Variants in SETX observed in about 807,000 individuals in gnomAD.
SETX encodes senataxin.
Under a neutral mutation model 227.2 loss-of-function variants are expected in SETX, and 90 were observed. The ratio of observed to expected loss-of-function variants is 0.40; its 90% CI spans 0.33 to 0.47. The LOEUF is 0.47. Ranked by LOEUF, SETX falls within the 20% of genes least tolerant of loss-of-function variation. The pLI is 0.91. For synonymous variants in SETX, 1,210 were observed against 1,113.2 expected, an observed-to-expected ratio of 1.09 and a Z score of -1.73; for missense variants, 3,052 against 3,181.5, an observed-to-expected ratio of 0.96 and a Z score of 0.98.
At chr9:132,308,286 G>C (rs902097095) in intron 11 of SETX, among the ~76,000 whole-genome samples, 5 of 152,164 alleles carry the variant, frequency 3.3e-5, no homozygotes, top group African/African-American at 1.2e-4. Flanking sequence ...AAATTTACCT[G>C]AATTGGATCA....
At chr9:132,290,512 T>C (rs1274230797) in intron 15 of SETX, among the ~76,000 whole-genome samples, 4 of 139,856 alleles carry the variant, frequency 2.9e-5, no homozygotes, top group Non-Finnish European at 6.0e-5. Flanking sequence ...AAGGTGGAGG[T>C]TGCGGTGAGC....
intron 11 of SETX, among the ~76,000 whole-genome samples, chr9:132,306,240 G>C (rs1245349180): frequency 6.6e-6 from 1 of 151,988 alleles, no homozygotes; most frequent in Admixed American, 6.6e-5. Flanking sequence ...ACAAATTTTG[G>C]CTGTTTTTGT....
At chr9:132,352,579 C>T (rs1169261650) in intron 2 of SETX, among the ~76,000 whole-genome samples, 4 of 152,116 alleles carry the variant, frequency 2.6e-5, no homozygotes, top group Admixed American at 1.3e-4. Flanking sequence ...GGTGAAACCC[C>T]GTATCTACTA....
At chr9:132,344,635 G>A (rs1195705942) in intron 4 of SETX, among the ~76,000 whole-genome samples, 5 of 152,270 alleles carry the variant, frequency 3.3e-5, no homozygotes, top group African/African-American at 1.2e-4. Context: ...AGCACTTTAG[G>A]AGGCCGAGGT....
At chr9:132,280,067 A>G (rs1843411289) in intron 20 of SETX, among the ~76,000 whole-genome samples, 1 of 152,222 alleles carries the variant, frequency 6.6e-6, no homozygotes, top group East Asian at 1.9e-4. Context: ...CCAGCCCCTA[A>G]ACAGTGCCTG....
At chr9:132,272,372 C>A (rs927214146) in intron 23 of SETX, among the ~76,000 whole-genome samples, 2 of 151,698 alleles carry the variant, frequency 1.3e-5, no homozygotes, top group African/African-American at 4.9e-5. Flanking sequence ...TGGTCTCAAA[C>A]CCCTGGCCCC....
chr9:132,315,409 T>A (rs1845908660), intron 10 of SETX, among the ~76,000 whole-genome samples: 1 of 152,190 alleles, frequency 6.6e-6, no homozygotes, highest in Non-Finnish European at 1.5e-5. Flanking sequence ...GCAAACTCAC[T>A]GATTTCTGTC....
chr9:132,277,226 T>A, intron 21 of SETX, 74 bp from the exon 22 acceptor site: 1 of 1,392,412 alleles, frequency 7.2e-7, no homozygotes, highest in African/African-American at 1.4e-5. Context: ...ATTACTACAA[T>A]TTTTTCTGTG....
rs58113625 is a variant in SETX, at chr9:132,303,812, C to T, written c.5375-3009G>A. ...CCACAATGACATACTACTACACACC[C>T]GTCTGAATCACCAAAATTAAAAACA... On this transcript the variant is annotated intron_variant, in intron 11 of 25. Transcript: ENST00000224140. Among the ~76,000 whole-genome samples, 235 of 152,196 alleles carry T rather than the reference C, an allele frequency of 1.5e-3. 1 individual carries two copies. The highest frequency in any genetic ancestry group is 5.4e-3 in the African/African-American group (223 of 41,536).
Position 132,296,039 on chromosome 9 carries a change from C to T in SETX, c.5950-11G>A. The T allele has an allele frequency of 6.2e-7, 1 of 1,614,116 alleles. No homozygotes were observed. The highest frequency in any genetic ancestry group is 2.2e-5 in the East Asian group (1 of 44,882). On this transcript the variant is annotated splice_polypyrimidine_tract_variant and intron_variant, in intron 14 of 25. Coordinates refer to ENST00000224140, the MANE Select transcript of SETX (RefSeq NM_015046.7). Reference sequence around the variant, plus strand: ...CCCCTTCCTCTGGTTCTACAATTTGCCACATATACATACCAAACAAACACA... The same window carrying T: ...CCCCTTCCTCTGGTTCTACAATTTGTCACATATACATACCAAACAAACACA...
chr9:132,341,445 CCTACCA>C (rs1847957372), intron 5 of SETX, among the ~76,000 whole-genome samples: 1 of 152,212 alleles, frequency 6.6e-6, no homozygotes, highest in Middle Eastern at 3.4e-3. Flanking sequence ...CTGTGTCCCT[CCTACCA>C]CTACCCCTCC....
chr9:132,275,874 T>C lies in SETX; in HGVS notation c.6936-454A>G, dbSNP rs544956546. Among the ~76,000 whole-genome samples the C allele has an allele frequency of 2.6e-5, 4 of 152,300 alleles. No individual in the cohort carries two copies. In the East Asian group the frequency reaches 7.7e-4, roughly 29 times the overall value. On this transcript the variant is annotated intron_variant, in intron 22 of 25. Coordinates refer to ENST00000224140, the MANE Select transcript of SETX (RefSeq NM_015046.7). ...ATCTTCCTTGTCCCTCACCACTGGC[T>C]GCATACAACACACACCACACAACCG...
At chr9:132,320,462 C>T (rs906879283) in intron 10 of SETX, among the ~76,000 whole-genome samples, 5 of 151,926 alleles carry the variant, frequency 3.3e-5, no homozygotes, top group African/African-American at 9.7e-5. Flanking sequence ...CGCCTGATGG[C>T]GGGCGCCTGT....
intron 12 of SETX, among the ~76,000 whole-genome samples, chr9:132,299,071 G>A (rs1432833907): frequency 2.0e-5 from 3 of 152,232 alleles, no homozygotes; most frequent in African/African-American, 7.2e-5. Context: ...GGAGGCACTA[G>A]TAGACGTGGG....
In SETX at chr9:132,326,321, T is replaced by G. The variant is rs764145024; in HGVS notation, c.5274+3A>C. On this transcript the variant is annotated splice_donor_region_variant and intron_variant, in intron 10 of 25. Transcript: ENST00000224140. ...GAGGCATACAAATGAAACACATACT[T>G]ACTGTTTCAAAAGTATTCAATACCA... The G allele has an allele frequency of 1.3e-6, 2 of 1,578,576 alleles. No individual in the cohort carries two copies.
intron 6 of SETX, 85 bp downstream of exon 6, chr9:132,336,210 TC>T: frequency 8.6e-7 from 1 of 1,159,456 alleles, no homozygotes; most frequent in Non-Finnish European, 1.3e-6. Flanking sequence ...GCCACTGCAC[TC>T]CAGCCTGGGC....
chr9:132,333,416 TACACACACACACAC>T (rs764524464), intron 7 of SETX, among the ~76,000 whole-genome samples: 4 of 88,092 alleles, frequency 4.5e-5, no homozygotes, highest in East Asian at 3.5e-4. Context: ...AAAATATATA[TACACACACACACAC>T]ACACACACAC....
At chr9:132,316,368 G>T (rs1168701296) in intron 10 of SETX, among the ~76,000 whole-genome samples, 1 of 152,136 alleles carries the variant, frequency 6.6e-6, no homozygotes, top group Non-Finnish European at 1.5e-5. Context: ...GCCAGTTTAG[G>T]AATGTTTTAA....
chr9:132,273,153 T>G (rs775159252), intron 23 of SETX, among the ~76,000 whole-genome samples: 1 of 150,252 alleles, frequency 6.7e-6, no homozygotes, highest in Non-Finnish European at 1.5e-5. Context: ...GTCTTCACAT[T>G]TATTTAGGTG....
Sources: allele counts gnomAD v4.1 joint callset (sites outside exome capture counted in the v4.1 genomes callset), GRCh38; gene constraint gnomAD v4.1.1; transcripts MANE v1.5; gene names NCBI Gene and HGNC (gene_info 2026-07-23, HGNC 2026-07-21).